Variants in RALGPS1 observed in about 807,000 individuals in gnomAD.
RALGPS1 encodes ras-specific guanine nucleotide-releasing factor RalGPS1.
In RALGPS1, 19 loss-of-function variants were observed where a neutral mutation model predicts 78.8. The ratio of observed to expected loss-of-function variants is 0.24; its 90% CI spans 0.17 to 0.35. RALGPS1 has a LOEUF of 0.35. Among genes scored for constraint, RALGPS1 ranks in the 10% least tolerant of loss-of-function variants. RALGPS1 has a pLI of 1.00. For missense variants in RALGPS1, 454 were observed against 688.3 expected (o/e 0.66, Z 3.81); for synonymous variants, 228 against 256.3 (o/e 0.89, Z 1.06).
intron 8 of RALGPS1, among the ~76,000 whole-genome samples, chr9:127,100,544 A>G (rs2053618225): frequency 1.3e-5 from 2 of 152,246 alleles, no homozygotes; most frequent in Non-Finnish European, 2.9e-5. Context: ...CTGTGTACAG[A>G]GGTGAGCAGC....
intron 13 of RALGPS1, 49 bp downstream of exon 13, chr9:127,196,680 G>T: frequency 6.6e-7 from 1 of 1,516,880 alleles, no homozygotes; most frequent in Non-Finnish European, 8.9e-7. Flanking sequence ...TGTAGGCCCA[G>T]CGTGTGCTCC....
intron 4 of RALGPS1, among the ~76,000 whole-genome samples, chr9:127,021,971 A>G (rs761660479): frequency 4.6e-5 from 7 of 151,920 alleles, no homozygotes; most frequent in Non-Finnish European, 4.4e-5. Context: ...CATCTTCCTG[A>G]CCCTAAGTCT....
At chr9:127,125,571 G>A (rs2056555094) in intron 8 of RALGPS1, among the ~76,000 whole-genome samples, 1 of 152,180 alleles carries the variant, frequency 6.6e-6, no homozygotes, top group African/African-American at 2.4e-5. Context: ...AGCATTTAGC[G>A]GTTGCTCAGG....
chr9:127,005,152 A>G (rs1455116167), intron 4 of RALGPS1, among the ~76,000 whole-genome samples: 1 of 152,204 alleles, frequency 6.6e-6, no homozygotes, highest in East Asian at 1.9e-4. Flanking sequence ...CATGGAAATA[A>G]TTGGCAGCAG....
At position 127,220,876 on chromosome 9, in the gene RALGPS1, A is replaced by G. The variant is rs981218108; in HGVS notation, c.*2107A>G. 1 of 152,590 alleles carries G rather than the reference A, an allele frequency of 6.6e-6. No homozygotes were observed. Among genetic ancestry groups the G allele is most frequent in the African/African-American group, 2.4e-5 (1 of 41,446 alleles). 9.5% of individuals were successfully genotyped at this position (152,590 alleles called of 1,614,324 possible). A position where few individuals can be genotyped will look rare whatever the true frequency, so the allele number is the denominator to read the frequency against. On this transcript the variant is annotated 3_prime_UTR_variant, in exon 19 of 19. Transcript: ENST00000259351. ...ATTTCAGGCACCACAAAAACAGGTAATTTTCTATCCCTTATAAGTTTGTCT... is the reference window on the plus strand; with the variant it reads ...ATTTCAGGCACCACAAAAACAGGTAGTTTTCTATCCCTTATAAGTTTGTCT...
At chr9:126,980,330 G>A (rs1340356755) in intron 4 of RALGPS1, among the ~76,000 whole-genome samples, 1 of 152,204 alleles carries the variant, frequency 6.6e-6, no homozygotes, top group Non-Finnish European at 1.5e-5. Context: ...CAGGAGATCA[G>A]GAAACTTGTA....
chr9:126,977,378 C>A (rs573648455), intron 3 of RALGPS1, among the ~76,000 whole-genome samples: 1 of 152,252 alleles, frequency 6.6e-6, no homozygotes, highest in East Asian at 1.9e-4. Flanking sequence ...AATACAAATT[C>A]AAATAGTATG....
At chr9:127,210,274 C>T (rs773081197) in intron 14 of RALGPS1, among the ~76,000 whole-genome samples, 1 of 152,238 alleles carries the variant, frequency 6.6e-6, no homozygotes, top group African/African-American at 2.4e-5. Context: ...GTGAATGACC[C>T]CCAGGCCCAA....
chr9:126,973,116 C>G (rs530765995), intron 3 of RALGPS1, among the ~76,000 whole-genome samples: 1 of 152,126 alleles, frequency 6.6e-6, no homozygotes, highest in African/African-American at 2.4e-5. Flanking sequence ...ATCTGTAATC[C>G]CAGCACTTTG....
chr9:127,189,554 C>G (rs1041604075), intron 11 of RALGPS1, among the ~76,000 whole-genome samples: 1 of 152,236 alleles, frequency 6.6e-6, no homozygotes, highest in Non-Finnish European at 1.5e-5. Flanking sequence ...GCTAATAATA[C>G]AGACCTCAGA....
chr9:126,944,718 T>G (rs930572701), intron 1 of RALGPS1, among the ~76,000 whole-genome samples: 2 of 152,184 alleles, frequency 1.3e-5, no homozygotes, highest in African/African-American at 2.4e-5. Context: ...AGTACTATTA[T>G]GAAATTAATA....
chr9:126,981,399 G>C (rs2041238142), intron 4 of RALGPS1, among the ~76,000 whole-genome samples: 3 of 152,248 alleles, frequency 2.0e-5, no homozygotes, highest in Admixed American at 6.5e-5. Context: ...TGTCTGGAGG[G>C]CAGCTCCCAA....
chr9:127,079,524 G>C (rs2050984290), intron 8 of RALGPS1: 1 of 152,226 alleles, frequency 6.6e-6, no homozygotes, highest in African/African-American at 2.4e-5. Flanking sequence ...TCCCTTCCAA[G>C]ATTAGATCAT....
At chr9:127,133,179 C>T (rs542130245) in intron 8 of RALGPS1, among the ~76,000 whole-genome samples, 20 of 152,320 alleles carry the variant, frequency 1.3e-4, no homozygotes, top group African/African-American at 4.8e-4. Flanking sequence ...GAGAGAGCGG[C>T]GTGGCCCCAT....
intron 14 of RALGPS1, among the ~76,000 whole-genome samples, chr9:127,203,837 C>T (rs995854923): frequency 6.6e-6 from 1 of 152,136 alleles, no homozygotes; most frequent in Non-Finnish European, 1.5e-5. Flanking sequence ...CCTAGAGAGC[C>T]CTCGAGGCAG....
At chr9:127,160,484 C>T (rs912883682) in intron 8 of RALGPS1, among the ~76,000 whole-genome samples, 3 of 152,212 alleles carry the variant, frequency 2.0e-5, no homozygotes, top group Admixed American at 6.5e-5. Flanking sequence ...GCAGCTACAG[C>T]AGTGTCACCA....
chr9:126,970,835 CA>C (rs1588723189), intron 3 of RALGPS1, among the ~76,000 whole-genome samples: 1 of 151,688 alleles, frequency 6.6e-6, no homozygotes, highest in African/African-American at 2.4e-5. Context: ...AGTTATTGTA[CA>C]AAAAAAGAGA....
chr9:127,124,899 G>A (rs57157181), intron 8 of RALGPS1, among the ~76,000 whole-genome samples: 2,575 of 152,286 alleles, frequency 0.017, 87 homozygotes, highest in African/African-American at 0.059. Context: ...AAGCCCCTTG[G>A]TTACTGAAAG....
chr9:127,064,947 T>C (rs62580851), intron 7 of RALGPS1, among the ~76,000 whole-genome samples: 3,580 of 152,132 alleles, frequency 0.024, 47 homozygotes, highest in Middle Eastern at 0.048. Context: ...GTTTTGTTTG[T>C]TTGTTTTTTG....
Sources: allele counts gnomAD v4.1 joint callset (sites outside exome capture counted in the v4.1 genomes callset), GRCh38; gene constraint gnomAD v4.1.1; transcripts MANE v1.5; gene names NCBI Gene and HGNC (gene_info 2026-07-23, HGNC 2026-07-21).